The following STXBP6 variants were observed in gnomAD, a reference collection of about 807,000 sequenced individuals.
STXBP6 encodes syntaxin binding protein 6.
In STXBP6, 21 loss-of-function variants were observed where a neutral mutation model predicts 26.9. The ratio of observed to expected loss-of-function variants is 0.78; its 90% CI spans 0.55 to 1.12. The LOEUF (loss-of-function observed/expected upper bound fraction) is 1.12, where lower values mean the gene tolerates loss of function less well. Ranked by LOEUF, STXBP6 falls within the 50% of genes most tolerant of loss-of-function variation. The pLI, the probability that STXBP6 is intolerant of heterozygous loss-of-function variation, is 0.00. For synonymous variants in STXBP6, 97 were observed against 92.6 expected (o/e 1.05, Z -0.27); for missense variants, 232 against 257.9 (o/e 0.90, Z 0.69).
chr14:24,952,086 T>C (rs927363558), intron 2 of STXBP6, among the ~76,000 whole-genome samples: 1 of 151,360 alleles, frequency 6.6e-6, no homozygotes, highest in African/African-American at 2.4e-5. Context: ...TACATAAAAA[T>C]AATCCAGTGA....
In STXBP6 at chr14:24,905,365, T is replaced by C. The variant is rs551004039; in HGVS notation, c.155-48208A>G. Reference sequence around the variant, plus strand: ...TTGTAATACCTACTTACAGGAGTGTTATATTGTTATTTAGGAGGAACATGA... The same window carrying C: ...TTGTAATACCTACTTACAGGAGTGTCATATTGTTATTTAGGAGGAACATGA... On this transcript the variant is annotated intron_variant, in intron 2 of 5. Coordinates refer to ENST00000323944, the MANE Select transcript of STXBP6 (RefSeq NM_001394410.1). Among the ~76,000 whole-genome samples, 4 of 152,314 alleles carry C rather than the reference T, an allele frequency of 2.6e-5. No individual in the cohort carries two copies. In the East Asian group the frequency reaches 7.7e-4, roughly 29 times the overall value.
In STXBP6 at chr14:24,810,709, A is replaced by T. The variant is rs1412429944; in HGVS notation, c.*2000T>A. 1 of 152,190 alleles carries T rather than the reference A, an allele frequency of 6.6e-6. No individual in the cohort carries two copies. Among genetic ancestry groups the T allele is most frequent in the East Asian group, 1.9e-4 (1 of 5,202 alleles). The allele number at this position is 152,190 out of a possible 1,614,324, so 9.4% of individuals were successfully genotyped here. The stretch of plus-strand genomic sequence containing the variant: ...ATGACCTCATCCTCAGCTACTTTGG[A>T]ATCAGCTTCCCAAACATTGTTGTTA... On this transcript the variant is annotated 3_prime_UTR_variant, in exon 6 of 6. Coordinates refer to ENST00000323944, the MANE Select transcript of STXBP6 (RefSeq NM_001394410.1).
intron 2 of STXBP6, among the ~76,000 whole-genome samples, chr14:24,873,456 T>C (rs933457413): frequency 2.6e-5 from 4 of 152,112 alleles, no homozygotes; most frequent in Admixed American, 1.3e-4. Flanking sequence ...ACACACAGCA[T>C]AGTCACTCTC....
At position 24,860,144 on chromosome 14, in the gene STXBP6, T is replaced by C. The variant is rs1033762818; in HGVS notation, c.155-2987A>G. 5.3e-5 allele frequency among the ~76,000 whole-genome samples: 8 copies of C among 152,314 alleles called. 2 individuals are homozygous for C. Among genetic ancestry groups the C allele is most frequent in the Admixed American group, 3.9e-4 (6 of 15,304 alleles). On this transcript the variant is annotated intron_variant, in intron 2 of 5. Transcript: ENST00000323944. Reference sequence around the variant, plus strand: ...CATGAACTAATGGTCTAAAGAGCTCTTTTTAAAAATGGCCCCTCCATGAGA... The same window carrying C: ...CATGAACTAATGGTCTAAAGAGCTCCTTTTAAAAATGGCCCCTCCATGAGA...
intron 2 of STXBP6, among the ~76,000 whole-genome samples, chr14:24,950,102 G>A (rs891496706): frequency 6.6e-6 from 1 of 152,218 alleles, no homozygotes; most frequent in African/African-American, 2.4e-5. Context: ...TTTAACAATT[G>A]TAACTGGCTT....
chr14:24,895,785 A>T (rs1295675242), intron 2 of STXBP6, among the ~76,000 whole-genome samples: 1 of 152,196 alleles, frequency 6.6e-6, no homozygotes, highest in East Asian at 1.9e-4. Context: ...CCCTTCCTTC[A>T]TTAGTTGTGT....
rs1183958285 is a variant in STXBP6 at position 24,875,194 on chromosome 14, G to A, written c.155-18037C>T. Among the ~76,000 whole-genome samples, 3 of 152,250 alleles carry A rather than the reference G, an allele frequency of 2.0e-5. No homozygotes were observed. In the East Asian group the frequency reaches 5.8e-4, roughly 29 times the overall value. Reference sequence around the variant, plus strand: ...CTACCTGTCCATGGACATTACATGTGTCTTTTCCTATCTGGGTCTCAAAAA... The same window carrying A: ...CTACCTGTCCATGGACATTACATGTATCTTTTCCTATCTGGGTCTCAAAAA... On this transcript the variant is annotated intron_variant, in intron 2 of 5. Coordinates refer to ENST00000323944, the MANE Select transcript of STXBP6 (RefSeq NM_001394410.1).
chr14:24,933,933 G>C (rs2072510081), intron 2 of STXBP6, among the ~76,000 whole-genome samples: 1 of 152,108 alleles, frequency 6.6e-6, no homozygotes, highest in African/African-American at 2.4e-5. Flanking sequence ...CAAGGTTACA[G>C]AGCAATTTAG....
At chr14:24,947,318 C>A (rs958425532) in intron 2 of STXBP6, among the ~76,000 whole-genome samples, 1 of 152,142 alleles carries the variant, frequency 6.6e-6, no homozygotes, top group Non-Finnish European at 1.5e-5. Flanking sequence ...ATGGGAACAG[C>A]CCACAGAAGG....
chr14:24,820,053 A>G (rs184862873), intron 4 of STXBP6, among the ~76,000 whole-genome samples: 269 of 152,376 alleles, frequency 1.8e-3, no homozygotes, highest in African/African-American at 6.2e-3. Flanking sequence ...AAAATTCAAT[A>G]GTGAAGAACT....
Position 24,980,266 on chromosome 14 carries a change from AAT to A in STXBP6, c.-32-5418_-32-5417del, listed in dbSNP as rs1348192691. On this transcript the variant is annotated intron_variant, in intron 1 of 5. Transcript: ENST00000323944. ...TGTCATATATTAAGATCAAGGAGATAATATGAGGCCAATTTAGCCCCTTTAAA... is the reference window on the plus strand; with the variant it reads ...TGTCATATATTAAGATCAAGGAGATAATGAGGCCAATTTAGCCCCTTTAAA... Among the ~76,000 whole-genome samples the A allele has an allele frequency of 1.2e-4, 19 of 152,358 alleles. No individual in the cohort carries two copies. In the East Asian group the frequency reaches 3.1e-3, roughly 25 times the overall value.
intron 4 of STXBP6, among the ~76,000 whole-genome samples, chr14:24,845,304 G>A (rs980872611): frequency 5.3e-5 from 8 of 152,082 alleles, no homozygotes; most frequent in East Asian, 3.9e-4. Context: ...GAGCCACCGC[G>A]CCTGGCCATC....
chr14:24,905,705 T>A (rs1404356364), intron 2 of STXBP6, among the ~76,000 whole-genome samples: 1 of 152,236 alleles, frequency 6.6e-6, no homozygotes, highest in African/African-American at 2.4e-5. Flanking sequence ...TCTAAAATGC[T>A]GTCTTTCATT....
intron 1 of STXBP6, among the ~76,000 whole-genome samples, chr14:25,033,057 G>T (rs570569268): frequency 6.6e-6 from 1 of 151,532 alleles, no homozygotes; most frequent in African/African-American, 2.4e-5. Context: ...TCAAACAAAA[G>T]GTACATGAGT....
At chr14:24,930,709 T>A (rs1487502942) in intron 2 of STXBP6, among the ~76,000 whole-genome samples, 1 of 152,192 alleles carries the variant, frequency 6.6e-6, no homozygotes. Context: ...CTTTGGTTCT[T>A]TTATAAGAAA....
chr14:24,830,833 T>C (rs1295774972), intron 4 of STXBP6, among the ~76,000 whole-genome samples: 2 of 151,876 alleles, frequency 1.3e-5, no homozygotes, highest in East Asian at 3.9e-4. Context: ...ACATTTAGAG[T>C]AAGGTGAAGG....
At position 24,953,089 on chromosome 14, in the gene STXBP6, G is replaced by A. The variant is rs141789420; in HGVS notation, c.154+21576C>T. On this transcript the variant is annotated intron_variant, in intron 2 of 5. Transcript: ENST00000323944. Reference sequence around the variant, plus strand: ...CACTCCATCTGGAGGCACTAGGAGAGAATCAGTTCCTTGCCCCTTCCCACT... The same window carrying A: ...CACTCCATCTGGAGGCACTAGGAGAAAATCAGTTCCTTGCCCCTTCCCACT... Among the ~76,000 whole-genome samples the A allele has an allele frequency of 6.1e-3, 931 of 152,238 alleles. 4 individuals are homozygous for A. Among genetic ancestry groups the A allele is most frequent in the Middle Eastern group, 0.031 (9 of 294 alleles).
intron 2 of STXBP6, among the ~76,000 whole-genome samples, chr14:24,864,246 A>G (rs1449390453): frequency 6.6e-6 from 1 of 152,220 alleles, no homozygotes; most frequent in African/African-American, 2.4e-5. Flanking sequence ...TCAAAGGCTG[A>G]AAATAAAAAC....
chr14:24,824,811 G>A (rs2068235740), intron 4 of STXBP6, among the ~76,000 whole-genome samples: 1 of 152,184 alleles, frequency 6.6e-6, no homozygotes, highest in Non-Finnish European at 1.5e-5. Context: ...ACCATACTAG[G>A]TGGCAGGTAC....
Sources: allele counts gnomAD v4.1 joint callset (sites outside exome capture counted in the v4.1 genomes callset), GRCh38; gene constraint gnomAD v4.1.1; transcripts MANE v1.5; gene names NCBI Gene and HGNC (gene_info 2026-07-23, HGNC 2026-07-21).